Variants in AMOTL1 observed in about 807,000 individuals in gnomAD.
The protein encoded by AMOTL1 is angiomotin like 1, also known as angiomotin-like protein 1.
Under a neutral mutation model 102.9 loss-of-function variants are expected in AMOTL1, and 45 were observed. The ratio of observed to expected loss-of-function variants is 0.44; its 90% CI spans 0.34 to 0.56. AMOTL1 has a LOEUF of 0.56. AMOTL1 is among the 20% of genes least tolerant of loss of function. The pLI is 0.01. For synonymous variants in AMOTL1, 481 were observed against 484.7 expected, an observed-to-expected ratio of 0.99 and a Z score of 0.10; for missense variants, 1,114 against 1,225.6, an observed-to-expected ratio of 0.91 and a Z score of 1.36.
At chr11:94,740,870 T>C in intron 2 of AMOTL1, 1 of 1,082,282 alleles carries the variant, frequency 9.2e-7, no homozygotes, top group South Asian at 1.3e-5. Flanking sequence ...GCGCTTGAGC[T>C]GGTGCTTGTG....
chr11:94,805,658 T>C (rs1191601795), intron 3 of AMOTL1, among the ~76,000 whole-genome samples: 1 of 152,204 alleles, frequency 6.6e-6, no homozygotes, highest in Non-Finnish European at 1.5e-5. Context: ...CTGTTCAGCA[T>C]AGGGGATTTG....
At chr11:94,860,936 G>A (rs1952761024) in intron 9 of AMOTL1, among the ~76,000 whole-genome samples, 1 of 152,154 alleles carries the variant, frequency 6.6e-6, no homozygotes, top group Admixed American at 6.5e-5. Context: ...TCGACGTAGG[G>A]GAGAATCCCC....
In AMOTL1 at chr11:94,871,108, T is replaced by C. The variant is rs183488338; in HGVS notation, c.*313T>C. On this transcript the variant is annotated 3_prime_UTR_variant, in exon 13 of 13. Coordinates refer to ENST00000433060, the MANE Select transcript of AMOTL1 (RefSeq NM_130847.3). ...ATGTATCTCTTGGGGAGGGCCTGTG[T>C]ACCCCCATTCTCTGATTATAAACAG... 756 of 215,536 alleles carry C rather than the reference T, an allele frequency of 3.5e-3. 5 individuals are homozygous for C. The highest frequency in any genetic ancestry group is 4.7e-3 in the Non-Finnish European group (503 of 107,728). The allele number at this position is 215,536 out of a possible 1,614,324, so 13.4% of individuals were successfully genotyped here.
At chr11:94,730,938 A>G (rs1156356334) in intron 2 of AMOTL1, among the ~76,000 whole-genome samples, 1 of 152,194 alleles carries the variant, frequency 6.6e-6, no homozygotes, top group Non-Finnish European at 1.5e-5. Context: ...AGGCAATAGA[A>G]TCATCCACCA....
chr11:94,769,457 G>A (rs1279356283), intron 1 of AMOTL1, among the ~76,000 whole-genome samples: 1 of 152,158 alleles, frequency 6.6e-6, no homozygotes, highest in African/African-American at 2.4e-5. Context: ...CGCTCGCGGC[G>A]ACGTGTCCAA....
chr11:94,864,147 A>C (rs1592048074), intron 9 of AMOTL1, among the ~76,000 whole-genome samples: 1 of 152,184 alleles, frequency 6.6e-6, no homozygotes, highest in African/African-American at 2.4e-5. Context: ...TAGGCATTCT[A>C]TGCTGTATGG....
chr11:94,800,299 A>T lies in AMOTL1; in HGVS notation c.1109A>T (p.Tyr370Phe). The T allele has an allele frequency of 6.2e-7, 1 of 1,605,492 alleles. No homozygotes were observed. Among genetic ancestry groups the T allele is most frequent in the Non-Finnish European group, 8.5e-7 (1 of 1,176,198 alleles). Residue 370 changes from tyrosine to phenylalanine, a missense_variant, in exon 3 of 13, where the codon TAT becomes TTT. Transcript: ENST00000433060. ...CTGCGGTACCAGCCACCCCCTGAGT[A>T]TGGGGTAACGAGGTGATTATCAACT... ...AVLRYQPPPE[Y>F]GVTSRPCQLP...
At chr11:94,733,357 A>C (rs1461934661) in intron 2 of AMOTL1, among the ~76,000 whole-genome samples, 3 of 152,244 alleles carry the variant, frequency 2.0e-5, no homozygotes, top group Non-Finnish European at 4.4e-5. Context: ...AGTTCCTTAA[A>C]GTCTCTCATC....
chr11:94,860,460 A>G (rs1354203391), intron 9 of AMOTL1, among the ~76,000 whole-genome samples: 2 of 152,196 alleles, frequency 1.3e-5, no homozygotes, highest in South Asian at 2.1e-4. Context: ...CAAAGTGTGC[A>G]GTAATTCACA....
At chr11:94,711,613 TAACC>T (rs999930066) in intron 1 of AMOTL1, among the ~76,000 whole-genome samples, 1 of 152,152 alleles carries the variant, frequency 6.6e-6, no homozygotes, top group Non-Finnish European at 1.5e-5. Flanking sequence ...GTCCCATCCC[TAACC>T]CTTTGAGACT....
chr11:94,797,032 A>G (rs1565355449), intron 2 of AMOTL1: 1 of 983,720 alleles, frequency 1.0e-6, no homozygotes, highest in African/African-American at 1.7e-5. Flanking sequence ...TCAGAAGTGA[A>G]TATGACACTT....
At chr11:94,718,591 T>A (rs1950130466) in intron 1 of AMOTL1, among the ~76,000 whole-genome samples, 1 of 152,008 alleles carries the variant, frequency 6.6e-6, no homozygotes, top group Non-Finnish European at 1.5e-5. Context: ...TTGATATTAA[T>A]CTTTTAAAAC....
intron 6 of AMOTL1, among the ~76,000 whole-genome samples, chr11:94,840,675 TATATATACACACACACAC>T (rs1180585034): frequency 7.8e-6 from 1 of 128,200 alleles, no homozygotes; most frequent in African/African-American, 3.0e-5. Flanking sequence ...TATATATATA[TATATATACACACACACAC>T]ACACACACAC....
At chr11:94,753,217 A>G (rs1035105410) in intron 3 of AMOTL1, among the ~76,000 whole-genome samples, 4 of 152,070 alleles carry the variant, frequency 2.6e-5, no homozygotes, top group Non-Finnish European at 5.9e-5. Context: ...GATTAGGATC[A>G]AAAGAATTAG....
At chr11:94,780,945 TG>T (rs1951101534) in intron 1 of AMOTL1, among the ~76,000 whole-genome samples, 1 of 152,182 alleles carries the variant, frequency 6.6e-6, no homozygotes, top group African/African-American at 2.4e-5. Context: ...TATCTTTTTT[TG>T]TTCTTTAAAT....
At chr11:94,802,956 A>T (rs1300422763) in intron 3 of AMOTL1, among the ~76,000 whole-genome samples, 2 of 152,196 alleles carry the variant, frequency 1.3e-5, no homozygotes, top group East Asian at 3.8e-4. Context: ...TCTGTTTGTC[A>T]TTGATCGTGA....
chr11:94,840,045 C>G (rs1037861514), intron 6 of AMOTL1, among the ~76,000 whole-genome samples: 4 of 151,916 alleles, frequency 2.6e-5, no homozygotes, highest in African/African-American at 9.7e-5. Context: ...TCAGATACCC[C>G]CTGCCCCAAA....
intron 1 of AMOTL1, among the ~76,000 whole-genome samples, chr11:94,791,528 T>C (rs1951285726): frequency 1.3e-5 from 2 of 152,236 alleles, no homozygotes; most frequent in African/African-American, 4.8e-5. Context: ...GAAGTGCTTG[T>C]ATGGGAATGG....
rs1362709794 is a variant in AMOTL1, at chr11:94,800,145, C to T, written c.955C>T (p.Gln319Ter). 6.2e-7 allele frequency: 1 copy of T among 1,613,930 alleles called. No individual in the cohort carries two copies. Among genetic ancestry groups the T allele is most frequent in the Admixed American group, 1.7e-5 (1 of 60,026 alleles). ...ACCTGAGTACCCCTTCAAGACCAAG[C>T]AAATGATGTCCCCAGTCAGCAAGAC... Reference protein sequence around the residue: ...PPPEYPFKTKQMMSPVSKTQE... With the variant: ...PPPEYPFKTK Residue 319 changes from glutamine to a stop codon, truncating the protein, a stop_gained, in exon 3 of 13, where the codon CAA becomes TAA. Transcript: ENST00000433060. LOFTEE classifies it high-confidence loss of function.
Sources: allele counts gnomAD v4.1 joint callset (sites outside exome capture counted in the v4.1 genomes callset), GRCh38; gene constraint gnomAD v4.1.1; transcripts MANE v1.5; gene names NCBI Gene and HGNC (gene_info 2026-07-23, HGNC 2026-07-21).